The following LYST variants were observed in gnomAD, a reference collection of about 807,000 sequenced individuals.
LYST encodes lysosomal-trafficking regulator.
LYST carries 192 observed loss-of-function variants against 413.6 expected under a neutral mutation model. The ratio of observed to expected loss-of-function variants is 0.46; its 90% CI spans 0.41 to 0.52. The LOEUF (loss-of-function observed/expected upper bound fraction) is 0.52, where lower values mean the gene tolerates loss of function less well. Among genes scored for constraint, LYST ranks in the 20% least tolerant of loss-of-function variants. The probability of loss-of-function intolerance (pLI) is 0.00; values close to 1 mark genes in which losing one functional copy is unlikely to be tolerated. For missense variants in LYST, 3,815 were observed against 4,499.9 expected (o/e 0.85, Z 4.35); for synonymous variants, 1,525 against 1,567.3 (o/e 0.97, Z 0.64).
At chr1:235,680,544 G>C (rs547416172) in intron 48 of LYST, among the ~76,000 whole-genome samples, 2 of 152,174 alleles carry the variant, frequency 1.3e-5, no homozygotes, top group Non-Finnish European at 2.9e-5. Flanking sequence ...GGGATTACAG[G>C]CATGAACCAC....
intron 47 of LYST, among the ~76,000 whole-genome samples, chr1:235,689,543 T>A (rs1572001860): frequency 6.6e-6 from 1 of 152,142 alleles, no homozygotes; most frequent in South Asian, 2.1e-4. Flanking sequence ...CAGGTTTCAG[T>A]TGTGCAGGAT....
intron 47 of LYST, among the ~76,000 whole-genome samples, chr1:235,688,847 T>G (rs1272648517): frequency 6.6e-6 from 1 of 151,932 alleles, no homozygotes; most frequent in East Asian, 1.9e-4. Context: ...TAGCTGGGTG[T>G]GGTGGCACGC....
At chr1:235,756,587 G>C (rs913609657) in intron 24 of LYST, among the ~76,000 whole-genome samples, 1 of 152,052 alleles carries the variant, frequency 6.6e-6, no homozygotes, top group East Asian at 1.9e-4. Context: ...AAAGAAAAAT[G>C]AGAATCTTTA....
At chr1:235,714,707 C>T (rs889448590) in intron 42 of LYST, among the ~76,000 whole-genome samples, 1 of 152,150 alleles carries the variant, frequency 6.6e-6, no homozygotes, top group Admixed American at 6.6e-5. Flanking sequence ...ACTTAAAATG[C>T]TGATGTAGAA....
chr1:235,800,522 A>C (rs1672094926), intron 9 of LYST, 136 bp from the exon 10 acceptor site: 4 of 630,600 alleles, frequency 6.3e-6, no homozygotes, highest in Middle Eastern at 4.2e-4. Flanking sequence ...TAAAAAGACT[A>C]CTATGTGTAG....
chr1:235,793,703 T>C, intron 10 of LYST, 91 bp from the exon 11 acceptor site: 1 of 704,306 alleles, frequency 1.4e-6, no homozygotes, highest in East Asian at 2.6e-5. Context: ...AATACTATTG[T>C]CACTTTTTGA....
chr1:235,694,054 G>T (rs557833626), intron 46 of LYST, among the ~76,000 whole-genome samples: 140 of 146,854 alleles, frequency 9.5e-4, no homozygotes, highest in African/African-American at 3.5e-3. Context: ...CTGTCACCCA[G>T]GCTGAAGTGC....
At chr1:235,868,883 CAG>C (rs1680788979), upstream of LYST, among the ~76,000 whole-genome samples, 1 of 151,930 alleles carries the variant, frequency 6.6e-6, no homozygotes, top group Non-Finnish European at 1.5e-5. Context: ...TTAGTAGAGA[CAG>C]AGTTTCATCA....
intron 48 of LYST, among the ~76,000 whole-genome samples, chr1:235,678,719 C>A (rs1268319363): frequency 6.6e-6 from 1 of 152,082 alleles, no homozygotes; most frequent in Non-Finnish European, 1.5e-5. Context: ...TACTGTTCTA[C>A]ATCCTATTTC....
chr1:235,764,674 T>A (rs1667955410), intron 21 of LYST, among the ~76,000 whole-genome samples: 1 of 151,734 alleles, frequency 6.6e-6, no homozygotes, highest in Non-Finnish European at 1.5e-5. Context: ...TAATTTTTTT[T>A]TTATTTTTAG....
At chr1:235,828,202 A>G (rs917965463) in intron 3 of LYST, 42 of 936,584 alleles carry the variant, frequency 4.5e-5, no homozygotes, top group Non-Finnish European at 4.7e-5. Flanking sequence ...ACATTTCATG[A>G]CATAAAAGAG....
chr1:235,673,880 G>T (rs1204298313), intron 50 of LYST, among the ~76,000 whole-genome samples: 1 of 152,152 alleles, frequency 6.6e-6, no homozygotes, highest in Non-Finnish European at 1.5e-5. Flanking sequence ...TAAATGCCTG[G>T]CTGAAATGGA....
intron 36 of LYST, among the ~76,000 whole-genome samples, chr1:235,730,045 AT>A (rs1664225913): frequency 1.3e-5 from 2 of 151,590 alleles, no homozygotes; most frequent in African/African-American, 4.8e-5. Flanking sequence ...TTTATTTGTT[AT>A]ATACTATTAT....
chr1:235,874,937 A>G (rs1246951623), intron 1 of LYST, among the ~76,000 whole-genome samples: 1 of 152,256 alleles, frequency 6.6e-6, no homozygotes, highest in Non-Finnish European at 1.5e-5. Flanking sequence ...TTCCAAGCCC[A>G]GGCTCCTCCT....
chr1:235,833,676 A>C lies in LYST; in HGVS notation c.-97-9T>G, dbSNP rs886046183. 154 of 708,078 alleles carry C rather than the reference A, an allele frequency of 2.2e-4. No individual in the cohort carries two copies. The highest frequency in any genetic ancestry group is 2.6e-4 in the Non-Finnish European group (148 of 576,500). 43.9% of individuals were successfully genotyped at this position (708,078 alleles called of 1,614,324 possible). A position where few individuals can be genotyped will look rare whatever the true frequency, so the allele number is the denominator to read the frequency against. On this transcript the variant is annotated splice_polypyrimidine_tract_variant and intron_variant, in intron 1 of 52. Transcript: ENST00000389793. ...TTAGAACAAAGCTTCACCTACAAAA[A>C]AAAAGACATATTAATCACAATAGTA...
intron 1 of LYST, among the ~76,000 whole-genome samples, chr1:235,881,543 T>G (rs1681375452): frequency 6.6e-6 from 1 of 152,150 alleles, no homozygotes; most frequent in African/African-American, 2.4e-5. Context: ...GCAGCATTAT[T>G]CATAAAAGCC....
rs1190356628 is a variant in LYST at position 235,664,587 on chromosome 1, C to T, written c.11073G>A (p.Val3691=). ...GGGSDLRLWT[V]NGDLVGHVHC... ...GGACATGTCCAACGAGATCCCCGTT[C>T]ACCGTCCAGAGTCTGAGGTCACTGC... Residue 3691 remains valine, a synonymous_variant, in exon 51 of 53, where the codon GTG becomes GTA. Transcript: ENST00000389793. This position sits in a 1 kb window ranked among gnomAD's most constrained non-coding sequence, Gnocchi z 4.5. 6.2e-7 allele frequency: 1 copy of T among 1,614,168 alleles called. No individual in the cohort carries two copies.
At chr1:235,794,604 G>A (rs560801470) in intron 10 of LYST, among the ~76,000 whole-genome samples, 6 of 152,182 alleles carry the variant, frequency 3.9e-5, no homozygotes, top group Non-Finnish European at 8.8e-5. Flanking sequence ...TTTAAAACCT[G>A]AGATAAGTTT....
At chr1:235,784,682 G>C (rs1670229914) in intron 14 of LYST, among the ~76,000 whole-genome samples, 1 of 152,130 alleles carries the variant, frequency 6.6e-6, no homozygotes, top group Middle Eastern at 3.2e-3. Flanking sequence ...GATTAAATCA[G>C]GTAATCTGTA....
Sources: gnomAD v4.1 joint callset for allele counts (sites outside exome capture counted in the v4.1 genomes callset) on GRCh38, gnomAD v4.1.1 for gene constraint, Gnocchi (gnomAD v3.1) non-coding constraint, MANE v1.5 for transcripts, NCBI Gene and HGNC (gene_info 2026-07-23, HGNC 2026-07-21) for gene names.